GRB14: variants seen among roughly 807,000 people sequenced by gnomAD.
GRB14 encodes the protein growth factor receptor-bound protein 14.
Under a neutral mutation model 69.1 loss-of-function variants are expected in GRB14, and 38 were observed. The ratio of observed to expected loss-of-function variants is 0.55; its 90% CI spans 0.42 to 0.72. GRB14 has a LOEUF of 0.72. Ranked by LOEUF, GRB14 falls within the 30% of genes least tolerant of loss-of-function variation. The probability of loss-of-function intolerance (pLI) is 0.00; values close to 1 mark genes in which losing one functional copy is unlikely to be tolerated. For synonymous variants in GRB14, 247 were observed against 241.3 expected, an observed-to-expected ratio of 1.02 and a Z score of -0.22; for missense variants, 666 against 666.1, an observed-to-expected ratio of 1.00 and a Z score of 0.00.
At chr2:164,587,576 A>G (rs1466804207) in intron 2 of GRB14, among the ~76,000 whole-genome samples, 1 of 152,182 alleles carries the variant, frequency 6.6e-6, no homozygotes, top group East Asian at 1.9e-4. Context: ...GCTTATATCT[A>G]CCAATTTTCA....
intron 3 of GRB14, among the ~76,000 whole-genome samples, chr2:164,532,728 C>A (rs993820058): frequency 2.0e-5 from 3 of 152,136 alleles, no homozygotes; most frequent in Non-Finnish European, 2.9e-5. Flanking sequence ...ATGTGACTCT[C>A]CAGAACTGTG....
At chr2:164,577,682 T>C (rs1285360192) in intron 2 of GRB14, among the ~76,000 whole-genome samples, 1 of 152,164 alleles carries the variant, frequency 6.6e-6, no homozygotes, top group African/African-American at 2.4e-5. Context: ...AATACACTAA[T>C]ATATAATAAA....
chr2:164,605,490 G>A (rs1469823349), intron 2 of GRB14, among the ~76,000 whole-genome samples: 3 of 152,146 alleles, frequency 2.0e-5, no homozygotes, highest in Non-Finnish European at 4.4e-5. Flanking sequence ...TGAGGCCGTG[G>A]AGGTAGATGA....
chr2:164,581,526 G>C (rs946994662), intron 2 of GRB14, among the ~76,000 whole-genome samples: 1 of 152,178 alleles, frequency 6.6e-6, no homozygotes, highest in African/African-American at 2.4e-5. Context: ...GCAGCTTCTA[G>C]ATGCTGGACA....
intron 4 of GRB14, among the ~76,000 whole-genome samples, chr2:164,525,450 A>C (rs942604241): frequency 2.6e-5 from 4 of 152,126 alleles, no homozygotes; most frequent in African/African-American, 9.6e-5. Flanking sequence ...GGCTCACAGA[A>C]GTACAGAGTT....
chr2:164,552,542 C>T (rs1688569956), intron 2 of GRB14, among the ~76,000 whole-genome samples: 1 of 152,162 alleles, frequency 6.6e-6, no homozygotes, highest in South Asian at 2.1e-4. Flanking sequence ...CATACAAATT[C>T]CTAGGTAGGA....
intron 3 of GRB14, among the ~76,000 whole-genome samples, chr2:164,545,482 T>C (rs1267491598): frequency 1.3e-5 from 2 of 152,098 alleles, no homozygotes; most frequent in South Asian, 2.1e-4. Flanking sequence ...GATTAGGTGA[T>C]GCAGCCACAA....
At chr2:164,513,173 T>C (rs1225462733) in intron 6 of GRB14, among the ~76,000 whole-genome samples, 1 of 152,070 alleles carries the variant, frequency 6.6e-6, no homozygotes, top group African/African-American at 2.4e-5. Context: ...TCTTTTTCTC[T>C]CTTTCACTCT....
chr2:164,583,357 T>G (rs1171115591), intron 2 of GRB14, among the ~76,000 whole-genome samples: 2 of 151,474 alleles, frequency 1.3e-5, no homozygotes, highest in Non-Finnish European at 3.0e-5. Context: ...GAATCAACAG[T>G]TGTAAAAAGA....
At chr2:164,526,262 C>T (rs748569736) in intron 4 of GRB14, among the ~76,000 whole-genome samples, 63 of 151,932 alleles carry the variant, frequency 4.1e-4, no homozygotes, top group Non-Finnish European at 8.2e-4. Context: ...TCATTTCAAT[C>T]CAATTATCAT....
At chr2:164,542,230 G>A (rs1026663610) in intron 3 of GRB14, among the ~76,000 whole-genome samples, 1 of 152,150 alleles carries the variant, frequency 6.6e-6, no homozygotes, top group Admixed American at 6.5e-5. Context: ...GCCAAATACA[G>A]AAGAATGAAA....
intron 12 of GRB14, 37 bp downstream of exon 12, chr2:164,496,971 A>T: frequency 6.7e-7 from 1 of 1,498,920 alleles, no homozygotes; most frequent in Non-Finnish European, 9.3e-7. Flanking sequence ...GAGAAATCCA[A>T]TTCACAAGTA....
intron 2 of GRB14, among the ~76,000 whole-genome samples, chr2:164,597,795 T>C (rs938078244): frequency 2.0e-5 from 3 of 151,986 alleles, no homozygotes; most frequent in Admixed American, 1.3e-4. Flanking sequence ...ACTTTCTTAG[T>C]TTTAGAAACA....
At chr2:164,519,612 A>G (rs1687583962) in intron 6 of GRB14, among the ~76,000 whole-genome samples, 1 of 152,158 alleles carries the variant, frequency 6.6e-6, no homozygotes, top group African/African-American at 2.4e-5. Flanking sequence ...AGAAAACCCT[A>G]AAGATTCCCC....
At chr2:164,514,426 C>T (rs1454788695) in intron 6 of GRB14, among the ~76,000 whole-genome samples, 3 of 152,204 alleles carry the variant, frequency 2.0e-5, no homozygotes, top group African/African-American at 7.2e-5. Flanking sequence ...AACACACACC[C>T]TCACTGCGGA....
intron 2 of GRB14, among the ~76,000 whole-genome samples, chr2:164,597,554 A>G (rs1689813518): frequency 6.6e-6 from 1 of 152,186 alleles, no homozygotes. Context: ...GAGGAATTTA[A>G]TTAACTATAC....
chr2:164,582,885 T>A (rs1689450100), intron 2 of GRB14, among the ~76,000 whole-genome samples: 1 of 152,184 alleles, frequency 6.6e-6, no homozygotes, highest in Non-Finnish European at 1.5e-5. Context: ...TTCCCTGTGA[T>A]TGCTTGTCTT....
chr2:164,584,863 G>A (rs1046273195), intron 2 of GRB14, among the ~76,000 whole-genome samples: 2 of 152,038 alleles, frequency 1.3e-5, no homozygotes, highest in Admixed American at 6.6e-5. Context: ...TTTAAAGATT[G>A]GATTGTTCAG....
chr2:164,555,953 T>C (rs1048384504), intron 2 of GRB14, among the ~76,000 whole-genome samples: 4 of 151,996 alleles, frequency 2.6e-5, no homozygotes, highest in Non-Finnish European at 5.9e-5. Flanking sequence ...AATGTACTAA[T>C]AGATAGGCAA....
Sources: allele counts gnomAD v4.1 joint callset (sites outside exome capture counted in the v4.1 genomes callset), GRCh38; gene constraint gnomAD v4.1.1; transcripts MANE v1.5; gene names NCBI Gene and HGNC (gene_info 2026-07-23, HGNC 2026-07-21).